The following STX8 variants were observed in gnomAD, a reference collection of about 807,000 sequenced individuals.
STX8 encodes syntaxin-8.
A neutral mutation model predicts 37.5 loss-of-function variants in STX8; 23 were observed. That is an observed-to-expected ratio of 0.61 (90% CI 0.44 to 0.87). The LOEUF (loss-of-function observed/expected upper bound fraction) is 0.87. STX8 is among the 40% of genes least tolerant of loss of function. The pLI is 0.00. For missense variants in STX8, 313 were observed against 284.7 expected (o/e 1.10, Z -0.71); for synonymous variants, 115 against 99.1 (o/e 1.16, Z -0.95).
chr17:9,356,729 C>T (rs1052345926), intron 7 of STX8, among the ~76,000 whole-genome samples: 1 of 152,202 alleles, frequency 6.6e-6, no homozygotes, highest in African/African-American at 2.4e-5. Context: ...GTGGCAGCCT[C>T]TCTTTGGCAG....
At chr17:9,545,334 T>A (rs1362658803) in intron 3 of STX8, 52 bp from the exon 4 acceptor site, 1 of 1,297,928 alleles carries the variant, frequency 7.7e-7, no homozygotes, top group Non-Finnish European at 1.1e-6. Flanking sequence ...TCGTTTTAAC[T>A]ATTACATTAT....
chr17:9,384,794 T>TTG (rs59655296), intron 6 of STX8, among the ~76,000 whole-genome samples: 14,578 of 147,658 alleles, frequency 0.099, 841 homozygotes, highest in Admixed American at 0.17. Context: ...CCAGATAGAC[T>TTG]TGTGTGTGTG....
Position 9,524,813 on chromosome 17 carries a change from GT to G in STX8, c.324-19652del, listed in dbSNP as rs11403311. Among the ~76,000 whole-genome samples the G allele has an allele frequency of 3.1e-3, 455 of 145,192 alleles. 3 individuals carry two copies. Among genetic ancestry groups the G allele is most frequent in the African/African-American group, 0.01 (408 of 39,584 alleles). ...TTTGTTTGAGATGGGGTCTCACTCT[GT>G]TTTTTTTTTTTGAGATGGGGTGTCA... On this transcript the variant is annotated intron_variant, in intron 4 of 7. Coordinates refer to ENST00000306357, the MANE Select transcript of STX8 (RefSeq NM_004853.3).
intron 6 of STX8, among the ~76,000 whole-genome samples, chr17:9,394,155 C>T (rs1047557050): frequency 2.0e-5 from 3 of 152,038 alleles, no homozygotes; most frequent in East Asian, 1.9e-4. Context: ...CAGAGGGCAG[C>T]GCCGCAAGGA....
intron 4 of STX8, among the ~76,000 whole-genome samples, chr17:9,529,681 A>G (rs1464245093): frequency 6.6e-6 from 1 of 152,228 alleles, no homozygotes; most frequent in Non-Finnish European, 1.5e-5. Context: ...TCTGTCTGAC[A>G]TGATGTCTGA....
chr17:9,378,749 C>G (rs1184491896), intron 6 of STX8, 96 bp from the exon 7 acceptor site: 6 of 900,956 alleles, frequency 6.7e-6, no homozygotes, highest in African/African-American at 1.6e-5. Context: ...ATAATGATCT[C>G]GAGTGCAGTA....
At chr17:9,422,032 T>C (rs1196165891) in intron 6 of STX8, among the ~76,000 whole-genome samples, 1 of 152,128 alleles carries the variant, frequency 6.6e-6, no homozygotes, top group African/African-American at 2.4e-5. Context: ...CGAGCCATGC[T>C]TCCTGTAGAG....
chr17:9,277,114 G>A (rs963014050), intron 7 of STX8, among the ~76,000 whole-genome samples: 1 of 152,114 alleles, frequency 6.6e-6, no homozygotes, highest in African/African-American at 2.4e-5. Flanking sequence ...TGCCTAGCCA[G>A]AATCACCTTT....
chr17:9,564,558 C>A (rs1016462527), intron 2 of STX8, among the ~76,000 whole-genome samples: 1 of 152,152 alleles, frequency 6.6e-6, no homozygotes, highest in Non-Finnish European at 1.5e-5. Flanking sequence ...CATTCCTGTA[C>A]ACCAACAGTC....
At chr17:9,290,311 G>A (rs1227854835) in intron 7 of STX8, among the ~76,000 whole-genome samples, 1 of 108,762 alleles carries the variant, frequency 9.2e-6, no homozygotes, top group African/African-American at 4.0e-5. Context: ...TCAAATGCAT[G>A]CCACTGTGTG....
intron 6 of STX8, among the ~76,000 whole-genome samples, chr17:9,431,796 T>C (rs997832167): frequency 2.2e-4 from 34 of 152,224 alleles, no homozygotes; most frequent in Middle Eastern, 3.2e-3. Flanking sequence ...CCACGAGTGC[T>C]GTACTGTCTC....
At chr17:9,419,198 A>G (rs1913331389) in intron 6 of STX8, among the ~76,000 whole-genome samples, 1 of 151,892 alleles carries the variant, frequency 6.6e-6, no homozygotes, top group African/African-American at 2.4e-5. Flanking sequence ...AAGTCCTGGG[A>G]GTAGAGGTGT....
intron 6 of STX8, among the ~76,000 whole-genome samples, chr17:9,398,653 G>A (rs7207785): frequency 0.013 from 1,996 of 152,288 alleles, 40 homozygotes; most frequent in African/African-American, 0.045. Flanking sequence ...TGGATGTGGA[G>A]TATACAGGAA....
chr17:9,542,836 T>C lies in STX8; in HGVS notation c.323+2336A>G, dbSNP rs76317517. Among the ~76,000 whole-genome samples, 99 of 152,240 alleles carry C rather than the reference T, an allele frequency of 6.5e-4. No individual in the cohort carries two copies. In the East Asian group the frequency reaches 0.018, roughly 28 times the overall value. Reference sequence around the variant, plus strand: ...GGGTTCGGGTTGGAAAATTCTGAGTTTGTAACACACTGCCAGGTGATGCTG... The same window carrying C: ...GGGTTCGGGTTGGAAAATTCTGAGTCTGTAACACACTGCCAGGTGATGCTG... On this transcript the variant is annotated intron_variant, in intron 4 of 7. Transcript: ENST00000306357.
At chr17:9,350,515 A>G (rs890443168) in intron 7 of STX8, among the ~76,000 whole-genome samples, 9 of 150,662 alleles carry the variant, frequency 6.0e-5, no homozygotes, top group African/African-American at 1.7e-4. Flanking sequence ...CTCACACTAA[A>G]GTGTTTTTTT....
chr17:9,400,763 TA>T (rs1912585829), intron 6 of STX8, among the ~76,000 whole-genome samples: 2 of 152,226 alleles, frequency 1.3e-5, no homozygotes, highest in South Asian at 4.1e-4. Context: ...TCAATTGTTA[TA>T]AAAATGTACA....
Position 9,264,281 on chromosome 17 carries a change from T to C in STX8, c.644-13636A>G, listed in dbSNP as rs9896266. Among the ~76,000 whole-genome samples the C allele has an allele frequency of 2.3e-3, 355 of 152,286 alleles. 1 individual carries two copies. Among genetic ancestry groups the C allele is most frequent in the African/African-American group, 7.1e-3 (296 of 41,564 alleles). ...GAATTGTGAAGTGTAGCAAAACAAT[T>C]GTTTTACATTGCCAAATTTGGGGTG... On this transcript the variant is annotated intron_variant, in intron 7 of 7. Coordinates refer to ENST00000306357, the MANE Select transcript of STX8 (RefSeq NM_004853.3).
intron 7 of STX8, among the ~76,000 whole-genome samples, chr17:9,360,636 T>A (rs1339361694): frequency 1.1e-4 from 15 of 141,588 alleles, no homozygotes; most frequent in Non-Finnish European, 2.0e-4. Context: ...ATTCCCTGTC[T>A]GCAAGAAAAA....
chr17:9,298,639 C>T (rs1908653634), intron 7 of STX8, among the ~76,000 whole-genome samples: 1 of 152,142 alleles, frequency 6.6e-6, no homozygotes, highest in Non-Finnish European at 1.5e-5. Context: ...TGGTGAAACC[C>T]CGTCTCTACT....
Sources: gnomAD v4.1 joint callset for allele counts (sites outside exome capture counted in the v4.1 genomes callset) on GRCh38, gnomAD v4.1.1 for gene constraint, MANE v1.5 for transcripts, NCBI Gene and HGNC (gene_info 2026-07-23, HGNC 2026-07-21) for gene names.